SHPRH: variants seen among roughly 807,000 people sequenced by gnomAD.
SHPRH encodes the protein E3 ubiquitin-protein ligase SHPRH.
Under a neutral mutation model 202.5 loss-of-function variants are expected in SHPRH, and 106 were observed. The observed-to-expected ratio is 0.52, with a 90% CI of 0.45 to 0.62. SHPRH has a LOEUF of 0.62. Ranked by LOEUF, SHPRH falls within the 20% of genes least tolerant of loss-of-function variation. The probability of loss-of-function intolerance (pLI) is 0.00; values close to 1 mark genes in which losing one functional copy is unlikely to be tolerated. For synonymous variants in SHPRH, 729 were observed against 686.0 expected, an observed-to-expected ratio of 1.06 and a Z score of -0.98; for missense variants, 1,710 against 2,020.0, an observed-to-expected ratio of 0.85 and a Z score of 2.94.
chr6:145,919,157 T>G, intron 22 of SHPRH, 191 bp downstream of exon 22: 2 of 650,728 alleles, frequency 3.1e-6, no homozygotes, highest in Non-Finnish European at 5.1e-6. Flanking sequence ...AAGCATGTAA[T>G]AGATATGAAA....
chr6:145,926,631 G>A (rs1784904346), intron 15 of SHPRH, among the ~76,000 whole-genome samples: 1 of 151,816 alleles, frequency 6.6e-6, no homozygotes, highest in African/African-American at 2.4e-5. Flanking sequence ...TATTGTGAAT[G>A]GTAATGACAT....
chr6:145,927,224 C>A lies in SHPRH; in HGVS notation c.3166G>T (p.Glu1056Ter), dbSNP rs1472534771. The change falls in exon 15 of 30, where the codon GAA becomes TAA. Residue 1056 changes from glutamate (E) to a stop codon, truncating the protein, a stop_gained. Coordinates refer to ENST00000275233, the MANE Select transcript of SHPRH (RefSeq NM_001042683.3). LOFTEE classifies it high-confidence loss of function. ...TCAGTTTTGAGTTTTCCTTTGTGTT[C>A]CTCCGAGGAGCGCAACACTTCTCTG... The part of the protein sequence containing the change: ...LYREVLRSSE[E>*]HKGKLKTDSL... 1.9e-6 allele frequency: 3 copies of A among 1,612,000 alleles called. No homozygotes were observed. The highest frequency in any genetic ancestry group is 1.7e-6 in the Non-Finnish European group (2 of 1,178,864).
downstream of SHPRH, chr6:145,862,714 T>A (rs916735706): frequency 6.6e-6 from 1 of 152,286 alleles, no homozygotes; most frequent in African/African-American, 2.4e-5. Flanking sequence ...CTGTTCTGAA[T>A]GTGTGAGGTA....
intron 26 of SHPRH, 98 bp from the exon 27 acceptor site, chr6:145,894,334 A>T: frequency 1.2e-6 from 1 of 860,846 alleles, no homozygotes; most frequent in Non-Finnish European, 1.6e-6. Flanking sequence ...TTTATACTGG[A>T]GTTAAGAAAA....
At chr6:145,872,736 CAT>C (rs1406367946) in intron 2 of SHPRH, among the ~76,000 whole-genome samples, 3 of 152,158 alleles carry the variant, frequency 2.0e-5, no homozygotes, top group Non-Finnish European at 2.9e-5. Flanking sequence ...GACACATGCA[CAT>C]ATATGTTTAT....
intron 2 of SHPRH, among the ~76,000 whole-genome samples, chr6:145,866,346 GC>G (rs1779780783): frequency 6.6e-6 from 1 of 151,952 alleles, no homozygotes; most frequent in Non-Finnish European, 1.5e-5. Context: ...TTAACACCCA[GC>G]TTCCTCATTT....
intron 14 of SHPRH, among the ~76,000 whole-genome samples, chr6:145,931,889 TC>T (rs1171793529): frequency 2.0e-5 from 2 of 99,910 alleles, no homozygotes; most frequent in African/African-American, 4.4e-5. Flanking sequence ...ACAATATATT[TC>T]TTTTTTTTTT....
In SHPRH at chr6:145,910,318, C is replaced by T. The variant is rs901952537; in HGVS notation, c.4515+130G>A. ...AAGCTGAGGCTTTCAGGCAGTGTAT[C>T]TACAGACAACAGTGGCGTCTACCTA... On this transcript the variant is annotated intron_variant, in intron 25 of 29. Coordinates refer to ENST00000275233, the MANE Select transcript of SHPRH (RefSeq NM_001042683.3). The T allele has an allele frequency of 7.0e-6, 7 of 1,000,522 alleles. No homozygotes were observed. The African/African-American group carries it at 1.1e-4, about 16-fold the overall frequency. The allele number at this position is 1,000,522 out of a possible 1,614,324, so 62.0% of individuals were successfully genotyped here.
chr6:145,950,346 C>CA lies in SHPRH; in HGVS notation c.899dup (p.Leu300PhefsTer29). 6.2e-7 allele frequency: 1 copy of CA among 1,613,280 alleles called. No individual in the cohort carries two copies. Among genetic ancestry groups the CA allele is most frequent in the South Asian group, 1.1e-5 (1 of 91,078 alleles). ...TTTGGTAGGGTCTCAACACAGGGATCAATGCAGGATGCTGGACATCCACTT... is the reference window on the plus strand; with the variant it reads ...TTTGGTAGGGTCTCAACACAGGGATCAAATGCAGGATGCTGGACATCCACTT... On this transcript the variant is annotated frameshift_variant, in exon 4 of 30. Coordinates refer to ENST00000275233, the MANE Select transcript of SHPRH (RefSeq NM_001042683.3). LOFTEE classifies it high-confidence loss of function.
At chr6:145,873,395 G>C (rs1780144006) in intron 2 of SHPRH, among the ~76,000 whole-genome samples, 1 of 152,086 alleles carries the variant, frequency 6.6e-6, no homozygotes, top group Non-Finnish European at 1.5e-5. Context: ...CATTTACCAA[G>C]ATTATAGAAA....
intron 26 of SHPRH, among the ~76,000 whole-genome samples, 180 bp from the exon 27 acceptor site, chr6:145,894,416 G>GTTTTTTTTTTTTTTTTTTT (rs1237649904): frequency 9.0e-6 from 1 of 111,434 alleles, no homozygotes. Flanking sequence ...TAGTAATTTT[G>GTTTTTTTTTTTTTTTTTTT]TTTGTTTTTT....
Position 145,921,606 on chromosome 6 carries a change from T to A in SHPRH, c.3783-214A>T, listed in dbSNP as rs550890927. ...CAGAAAGCTACTGATTCATTTGCCA[T>A]AACAACACAAAAATCTTGTTTTCTT... On this transcript the variant is annotated intron_variant, in intron 20 of 29. Coordinates refer to ENST00000275233, the MANE Select transcript of SHPRH (RefSeq NM_001042683.3). Among the ~76,000 whole-genome samples, 711 of 151,962 alleles carry A rather than the reference T, an allele frequency of 4.7e-3. 5 individuals carry two copies. Among genetic ancestry groups the A allele is most frequent in the Non-Finnish European group, 8.8e-3 (598 of 67,928 alleles).
intron 8 of SHPRH, 110 bp downstream of exon 8, chr6:145,945,267 ATTTT>A: frequency 7.8e-7 from 1 of 1,283,542 alleles, no homozygotes; most frequent in African/African-American, 1.5e-5. Flanking sequence ...TACTTTTCCT[ATTTT>A]TTTATCTTCA....
At position 145,934,964 on chromosome 6, in the gene SHPRH, C is replaced by T; in HGVS notation, c.2933G>A (p.Arg978Lys). 6.2e-7 allele frequency: 1 copy of T among 1,613,890 alleles called. No individual in the cohort carries two copies. The highest frequency in any genetic ancestry group is 8.5e-7 in the Non-Finnish European group (1 of 1,179,878). Residue 978 changes from arginine to lysine, a missense_variant, in exon 13 of 30, where the codon AGA (arginine) becomes AAA (lysine). Coordinates refer to ENST00000275233, the MANE Select transcript of SHPRH (RefSeq NM_001042683.3). ...AGCCTGTGGGTGACAGCAGGCCTGT[C>T]TGAGCCTCAGCAATGGATACAGGAT... Reference protein sequence around the residue: ...TSILYPLLRLRQACCHPQAVR... With the variant: ...TSILYPLLRLKQACCHPQAVR...
rs758943436 is a variant in SHPRH, at chr6:145,955,142, G to C, written c.181C>G (p.Leu61Val). Residue 61 changes from leucine to valine, a missense_variant, in exon 2 of 30, where the codon CTA (leucine) becomes GTA (valine). Physicochemically the swap from Leu to Val is conservative, Grantham distance 32. Around this residue, in one of 8 missense-constraint regions of SHPRH, gnomAD observed 459 missense variants for 426.5 expected, o/e 1.08. Transcript: ENST00000275233. ...TCTCTGTGAGCCACTTCTTCCTTTAGACTATCACTTAGAATGATATAATGA... is the reference window on the plus strand; with the variant it reads ...TCTCTGTGAGCCACTTCTTCCTTTACACTATCACTTAGAATGATATAATGA... The part of the protein sequence containing the change: ...SAHYIILSDS[L>V]KEEVAHRDKK... 4.3e-6 allele frequency: 7 copies of C among 1,613,516 alleles called. No individual in the cohort carries two copies. The South Asian group carries it at 7.7e-5, about 18-fold the overall frequency.
chr6:145,916,881 C>T (rs1035316706), intron 23 of SHPRH, among the ~76,000 whole-genome samples: 19 of 152,110 alleles, frequency 1.2e-4, no homozygotes, highest in African/African-American at 4.6e-4. Flanking sequence ...CTCCCAGGTT[C>T]AAGCGATTCT....
At position 145,941,761 on chromosome 6, in the gene SHPRH, G is replaced by A. The variant is rs780597816; in HGVS notation, c.2352C>T (p.Ile784=). Reference sequence around the variant, plus strand: ...GCCCATCCTCACTATTGCTATGTGGGATATCGACATAATTTAATTCTGAAC... The same window carrying A: ...GCCCATCCTCACTATTGCTATGTGGAATATCGACATAATTTAATTCTGAAC... ...VLRSELNYVD[I]PHSNSEDGRR... is the part of the protein sequence containing the mutation. Residue 784 remains isoleucine, a synonymous_variant, in exon 10 of 30, where the codon ATC becomes ATT. Coordinates refer to ENST00000275233, the MANE Select transcript of SHPRH (RefSeq NM_001042683.3). 7 of 1,613,956 alleles carry A rather than the reference G, an allele frequency of 4.3e-6. No individual in the cohort carries two copies. The highest frequency in any genetic ancestry group is 5.9e-6 in the Non-Finnish European group (7 of 1,179,964).
intron 23 of SHPRH, among the ~76,000 whole-genome samples, chr6:145,916,100 T>C (rs1178912454): frequency 6.6e-6 from 1 of 152,100 alleles, no homozygotes; most frequent in Admixed American, 6.6e-5. Context: ...AGTTCATGAA[T>C]CCCATCTTTT....
In SHPRH at chr6:145,941,787, G is replaced by A. The variant is rs1236649777; in HGVS notation, c.2326C>T (p.Arg776Cys). ...ATATCGACATAATTTAATTCTGAAC[G>A]CAGTACATCATAGGTAATGATAACT... is the stretch of plus-strand genomic sequence containing the variant. ...DIVIITYDVL[R>C]SELNYVDIPH... Residue 776 changes from arginine to cysteine, a missense_variant, in exon 10 of 30, where the codon CGT becomes TGT. Physicochemically the swap from Arg to Cys is radical, Grantham distance 180 (BLOSUM62 -3). Transcript: ENST00000275233. 1.5e-5 allele frequency: 25 copies of A among 1,613,752 alleles called. No homozygotes were observed. The highest frequency in any genetic ancestry group is 2.1e-5 in the Non-Finnish European group (25 of 1,179,944).
Sources: allele counts gnomAD v4.1 joint callset (sites outside exome capture counted in the v4.1 genomes callset), GRCh38; gene constraint gnomAD v4.1.1; regional missense constraint gnomAD v4.1.1; transcripts MANE v1.5; gene names NCBI Gene and HGNC (gene_info 2026-07-23, HGNC 2026-07-21).